MGAM2: variants seen among roughly 807,000 people sequenced by gnomAD.
MGAM2 encodes the protein probable maltase-glucoamylase 2.
Under a neutral mutation model 96.1 loss-of-function variants are expected in MGAM2, and 98 were observed. The observed-to-expected ratio is 1.02, with a 90% CI of 0.87 to 1.21. The LOEUF (loss-of-function observed/expected upper bound fraction) is 1.21, where lower values mean the gene tolerates loss of function less well. Among genes scored for constraint, MGAM2 ranks in the 50% most tolerant of loss-of-function variants. MGAM2 has a pLI of 0.00. For missense variants in MGAM2, 2,055 were observed against 1,182.4 expected, an observed-to-expected ratio of 1.74 and a Z score of -10.82; for synonymous variants, 749 against 414.8, an observed-to-expected ratio of 1.81 and a Z score of -9.79.
intron 9 of MGAM2, 22 bp downstream of exon 9, chr7:142,137,567 G>C (rs1231643869): frequency 1.0e-5 from 7 of 684,212 alleles, no homozygotes; most frequent in Non-Finnish European, 1.9e-5. Flanking sequence ...CATTTAGATA[G>C]TCATTATTTA....
chr7:142,183,439 A>G (rs1585196065), intron 33 of MGAM2, 66 bp downstream of exon 33: 4 of 678,722 alleles, frequency 5.9e-6, no homozygotes, highest in Middle Eastern at 4.7e-4. Context: ...AACAGCTCTC[A>G]ATACACATTG....
chr7:142,116,954 G>C lies in MGAM2; in HGVS notation c.81G>C (p.Leu27=). 2.8e-6 allele frequency: 2 copies of C among 703,262 alleles called. No homozygotes were observed. Among genetic ancestry groups the C allele is most frequent in the Non-Finnish European group, 2.6e-6 (1 of 385,006 alleles). 43.6% of individuals were successfully genotyped at this position (703,262 alleles called of 1,614,324 possible). ...TGGTGACCATAGATATCCTCTTGCT[G>C]CTTCTTGTGTTGGAGGAAACTTCAG... ...LIVVTIDILL[L]LLVLEETSDT... The change falls in exon 2 of 48, where the codon CTG becomes CTC. Residue 27 remains leucine, a synonymous_variant. Transcript: ENST00000477922.
chr7:142,189,784 A>G (rs1253473547), intron 37 of MGAM2, among the ~76,000 whole-genome samples: 1 of 152,248 alleles, frequency 6.6e-6, no homozygotes, highest in African/African-American at 2.4e-5. Flanking sequence ...GAACTCGAAA[A>G]GGAAAACCTT....
At chr7:142,208,227 C>T (rs749570901) in intron 45 of MGAM2, 7 of 480,542 alleles carry the variant, frequency 1.5e-5, no homozygotes, top group Admixed American at 4.6e-5. Context: ...TAGTCTTTAA[C>T]ACCACTGCTA....
chr7:142,207,464 C>A (rs948963902), intron 45 of MGAM2, among the ~76,000 whole-genome samples: 2 of 151,960 alleles, frequency 1.3e-5, no homozygotes, highest in Admixed American at 6.6e-5. Flanking sequence ...CTCACTCTGT[C>A]GCCCAGGCTG....
chr7:142,211,982 C>G (rs1303426048), intron 46 of MGAM2, among the ~76,000 whole-genome samples: 1 of 152,178 alleles, frequency 6.6e-6, no homozygotes, highest in African/African-American at 2.4e-5. Context: ...ATCAGACTAA[C>G]AGCAGATCTG....
intron 3 of MGAM2, among the ~76,000 whole-genome samples, chr7:142,122,126 T>G (rs1794595770): frequency 6.6e-6 from 1 of 152,206 alleles, no homozygotes; most frequent in African/African-American, 2.4e-5. Flanking sequence ...ACAATAATAC[T>G]CATTACCTCC....
In MGAM2 at chr7:142,116,995, G is replaced by C; in HGVS notation, c.106+16G>C. 1.4e-6 allele frequency: 1 copy of C among 703,012 alleles called. No individual in the cohort carries two copies. Among genetic ancestry groups the C allele is most frequent in the Non-Finnish European group, 2.6e-6 (1 of 384,946 alleles). The allele number at this position is 703,012 out of a possible 1,614,324, so 43.5% of individuals were successfully genotyped here. A position where few individuals can be genotyped will look rare whatever the true frequency, so the allele number is the denominator to read the frequency against. Reference sequence around the variant, plus strand: ...GAAACTTCAGGTAAGGGAGATGCTTGTAGGTTGGAAGGCTGGGTAAAGGAA... The same window carrying C: ...GAAACTTCAGGTAAGGGAGATGCTTCTAGGTTGGAAGGCTGGGTAAAGGAA... On this transcript the variant is annotated intron_variant, in intron 2 of 47. Transcript: ENST00000477922.
chr7:142,144,835 A>T (rs1447547101), intron 13 of MGAM2, 26 bp from the exon 14 acceptor site: 1 of 694,172 alleles, frequency 1.4e-6, no homozygotes, highest in Admixed American at 2.1e-5. Flanking sequence ...CGCATTTTAC[A>T]CTTTGTGTGT....
intron 31 of MGAM2, among the ~76,000 whole-genome samples, chr7:142,175,406 A>C (rs1251805516): frequency 1.3e-5 from 2 of 151,592 alleles, no homozygotes; most frequent in African/African-American, 4.9e-5. Flanking sequence ...AGGAAAGGGG[A>C]TAGAGTTCCA....
intron 1 of MGAM2, among the ~76,000 whole-genome samples, chr7:142,113,270 T>A (rs940428161): frequency 6.6e-6 from 1 of 152,088 alleles, no homozygotes; most frequent in Non-Finnish European, 1.5e-5. Flanking sequence ...GCTGGTTTAG[T>A]ATGGTGGGAA....
In MGAM2 at chr7:142,144,898, A is replaced by G. The variant is rs1563258563; in HGVS notation, c.1469A>G (p.Asn490Ser). The stretch of plus-strand genomic sequence containing the variant: ...GTATCTAGCTTACTCCAAGCTTCTA[A>G]TAACCAGTGTGAATCCAACAACTTG... Reference protein sequence around the residue: ...NEVSSLLQASNNQCESNNLNF... With the variant: ...NEVSSLLQASSNQCESNNLNF... The change falls in exon 14 of 48, where the codon AAT becomes AGT. Residue 490 changes from asparagine (N) to serine (S), a missense_variant. Transcript: ENST00000477922. 3 of 702,854 alleles carry G rather than the reference A, an allele frequency of 4.3e-6. No homozygotes were observed. Among genetic ancestry groups the G allele is most frequent in the East Asian group, 2.7e-5 (1 of 37,266 alleles). 43.5% of individuals were successfully genotyped at this position (702,854 alleles called of 1,614,324 possible).
intron 46 of MGAM2, among the ~76,000 whole-genome samples, chr7:142,216,964 C>G (rs75990903): frequency 0.022 from 3,376 of 152,254 alleles, 135 homozygotes; most frequent in African/African-American, 0.078. Context: ...TGTCCTTGCA[C>G]TCCTCCATGA....
intron 3 of MGAM2, among the ~76,000 whole-genome samples, chr7:142,127,602 T>A (rs1352261696): frequency 6.6e-6 from 1 of 151,988 alleles, no homozygotes; most frequent in Non-Finnish European, 1.5e-5. Context: ...GTGGGCCAGG[T>A]GGAGATAATT....
At position 142,221,672 on chromosome 7, in the gene MGAM2, C is replaced by T. The variant is rs941612929; in HGVS notation, c.7161C>T (p.Phe2387=). The change falls in exon 48 of 48, where the codon TTC becomes TTT. Residue 2387 remains phenylalanine, a synonymous_variant. Coordinates refer to ENST00000477922, the MANE Select transcript of MGAM2 (RefSeq NM_001293626.2). ...AATTCACCACACACATCACACAGTT[C>T]GCTACTCCCCATTCTGCTACTACTA... ...IDKFTTHITQ[F]ATPHSATTTT... The T allele has an allele frequency of 2.3e-5, 10 of 437,708 alleles. No homozygotes were observed. The highest frequency in any genetic ancestry group is 3.6e-5 in the Non-Finnish European group (9 of 249,128). 27.1% of individuals were successfully genotyped at this position (437,708 alleles called of 1,614,324 possible).
chr7:142,199,709 T>C (rs1188507033), intron 44 of MGAM2, among the ~76,000 whole-genome samples, 171 bp from the exon 45 acceptor site: 4 of 152,206 alleles, frequency 2.6e-5, no homozygotes, highest in African/African-American at 9.7e-5. Context: ...CGTTTTCCAT[T>C]AACTTTTAAA....
intron 37 of MGAM2, among the ~76,000 whole-genome samples, chr7:142,190,442 T>C (rs1252024420): frequency 6.6e-6 from 1 of 151,920 alleles, no homozygotes. Flanking sequence ...TGGCTAATTT[T>C]TTTGTATTTT....
At chr7:142,142,515 G>A (rs547298530) in intron 12 of MGAM2, among the ~76,000 whole-genome samples, 1 of 144,050 alleles carries the variant, frequency 6.9e-6, no homozygotes, top group African/African-American at 2.6e-5. Context: ...GAGGTGCATA[G>A]TGGTGTGTGT....
intron 46 of MGAM2, among the ~76,000 whole-genome samples, chr7:142,212,766 G>T (rs1797627472): frequency 6.6e-6 from 1 of 152,074 alleles, no homozygotes; most frequent in African/African-American, 2.4e-5. Context: ...GTCAATATTA[G>T]ACAGATCAAC....
Sources: allele counts gnomAD v4.1 joint callset (sites outside exome capture counted in the v4.1 genomes callset), GRCh38; gene constraint gnomAD v4.1.1; transcripts MANE v1.5; gene names NCBI Gene and HGNC (gene_info 2026-07-23, HGNC 2026-07-21).